The following MTFR1 variants were observed in gnomAD, a reference collection of about 807,000 sequenced individuals.
The protein encoded by MTFR1 is mitochondrial fission regulator 1, also known as chondrocyte protein with a poly-proline region.
Under a neutral mutation model 38.8 loss-of-function variants are expected in MTFR1, and 28 were observed. That is an observed-to-expected ratio of 0.72 (90% confidence interval 0.53 to 0.99). The LOEUF is 0.99. Ranked by LOEUF, MTFR1 falls within the 50% of genes least tolerant of loss-of-function variation. The pLI is 0.00. For missense variants in MTFR1, 358 were observed against 395.5 expected, an observed-to-expected ratio of 0.91 and a Z score of 0.81; for synonymous variants, 145 against 137.0, an observed-to-expected ratio of 1.06 and a Z score of -0.41.
intron 1 of MTFR1, among the ~76,000 whole-genome samples, chr8:65,650,593 T>A (rs569097074): frequency 2.2e-4 from 33 of 152,350 alleles, no homozygotes; most frequent in African/African-American, 7.7e-4. Context: ...CATAATATCC[T>A]CCAGTTCCAT....
chr8:65,731,563 G>A (rs1486120136), intron 3 of MTFR1: 1 of 152,224 alleles, frequency 6.6e-6, no homozygotes, highest in Non-Finnish European at 1.5e-5. Flanking sequence ...AATGTTACCA[G>A]TGTCAATCAA....
chr8:65,745,587 C>T (rs1807637993), intron 3 of MTFR1: 5 of 615,476 alleles, frequency 8.1e-6, no homozygotes, highest in Non-Finnish European at 1.4e-5. Context: ...TTAAAAAATA[C>T]AAGTATCATT....
chr8:65,758,375 G>C (rs1808333745), intron 3 of MTFR1, among the ~76,000 whole-genome samples: 1 of 152,072 alleles, frequency 6.6e-6, no homozygotes, highest in Non-Finnish European at 1.5e-5. Context: ...TCAGGTAAGG[G>C]GGAAAAAATG....
At chr8:65,693,394 T>G (rs1805340558) in intron 3 of MTFR1, among the ~76,000 whole-genome samples, 1 of 151,296 alleles carries the variant, frequency 6.6e-6, no homozygotes, top group African/African-American at 2.4e-5. Flanking sequence ...AGAGCTAGAC[T>G]TTGTCTCAAA....
intron 2 of MTFR1, among the ~76,000 whole-genome samples, chr8:65,681,663 T>G (rs573753706): frequency 2.7e-4 from 39 of 146,516 alleles, no homozygotes; most frequent in African/African-American, 9.8e-4. Context: ...GTGCTTTTTG[T>G]TGTTTTTGTT....
chr8:65,747,692 G>T, intron 3 of MTFR1: 1 of 1,611,198 alleles, frequency 6.2e-7, no homozygotes, highest in Non-Finnish European at 8.5e-7. Context: ...AATGTTTAGG[G>T]AATTTGAAAC....
At chr8:65,775,530 T>A (rs1809234690), downstream of MTFR1, among the ~76,000 whole-genome samples, 2 of 152,236 alleles carry the variant, frequency 1.3e-5, no homozygotes, top group African/African-American at 4.8e-5. Flanking sequence ...TATTTCAGAA[T>A]TTGAAAAATT....
intron 2 of MTFR1, chr8:65,718,998 C>T (rs1471698938): frequency 9.5e-6 from 4 of 423,236 alleles, no homozygotes; most frequent in African/African-American, 4.0e-5. Flanking sequence ...TTGAAAAAGT[C>T]GTGGCACATA....
chr8:65,758,255 A>C (rs939801939), intron 3 of MTFR1, among the ~76,000 whole-genome samples: 43 of 152,108 alleles, frequency 2.8e-4, no homozygotes, highest in African/African-American at 1.0e-3. Flanking sequence ...GGCACAACCC[A>C]CCCCCATCAG....
At chr8:65,708,414 C>T in intron 7 of MTFR1, 2 of 311,618 alleles carry the variant, frequency 6.4e-6, no homozygotes, top group Non-Finnish European at 1.2e-5. Context: ...CATAGAAATT[C>T]AAAGTACAGT....
chr8:65,704,587 C>A, intron 4 of MTFR1, 107 bp from the exon 5 acceptor site: 1 of 846,102 alleles, frequency 1.2e-6, no homozygotes, highest in Non-Finnish European at 1.9e-6. Flanking sequence ...TAAGATCAGC[C>A]TGAAAAGAGG....
At chr8:65,699,033 CTTCT>C (rs1363845521) in intron 4 of MTFR1, among the ~76,000 whole-genome samples, 2 of 152,126 alleles carry the variant, frequency 1.3e-5, no homozygotes, top group Admixed American at 1.3e-4. Flanking sequence ...CAGCCGTTCC[CTTCT>C]TTTTGTCCAT....
the MTFR1 span, among the ~76,000 whole-genome samples, chr8:65,776,874 G>C: frequency 1.3e-5 from 2 of 151,972 alleles, no homozygotes; most frequent in East Asian, 1.9e-4. Context: ...ATACTGGCCA[G>C]AACCTCTGAA....
At chr8:65,697,080 G>A (rs969018097) in intron 4 of MTFR1, among the ~76,000 whole-genome samples, 15 of 150,542 alleles carry the variant, frequency 1.0e-4, no homozygotes, top group African/African-American at 3.7e-4. Context: ...TACCTCCTAG[G>A]TTCAAGTGAT....
chr8:65,708,897 T>A (rs1469494099), intron 7 of MTFR1, 79 bp from the exon 8 acceptor site: 5 of 1,386,002 alleles, frequency 3.6e-6, no homozygotes, highest in Non-Finnish European at 5.1e-6. Context: ...AGCCCTCTAA[T>A]CCATGATTGG....
chr8:65,656,654 A>G (rs1172281392), intron 1 of MTFR1, among the ~76,000 whole-genome samples: 2 of 151,866 alleles, frequency 1.3e-5, no homozygotes, highest in Non-Finnish European at 1.5e-5. Context: ...GGCACCCACC[A>G]TCATGCCTGG....
intron 3 of MTFR1, among the ~76,000 whole-genome samples, chr8:65,684,817 C>T (rs1313665682): frequency 6.6e-6 from 1 of 151,716 alleles, no homozygotes; most frequent in East Asian, 2.0e-4. Flanking sequence ...CCAGCCCGGC[C>T]AACATGGAGA....
downstream of MTFR1, among the ~76,000 whole-genome samples, chr8:65,713,004 T>C (rs1297122973): frequency 3.3e-5 from 5 of 152,214 alleles, no homozygotes; most frequent in African/African-American, 1.2e-4. Context: ...TGTAAATAAA[T>C]GTACAGCTTA....
the MTFR1 span, among the ~76,000 whole-genome samples, chr8:65,777,321 C>T: frequency 5.3e-5 from 8 of 151,950 alleles, no homozygotes; most frequent in South Asian, 2.1e-4. Flanking sequence ...TCAGATGATC[C>T]GCCCGCCTCA....
Sources: allele counts gnomAD v4.1 joint callset (sites outside exome capture counted in the v4.1 genomes callset), GRCh38; gene constraint gnomAD v4.1.1; transcripts MANE v1.5; gene names NCBI Gene and HGNC (gene_info 2026-07-23, HGNC 2026-07-21).